The following KIRREL3 variants were observed in gnomAD, a reference collection of about 807,000 sequenced individuals.
KIRREL3 encodes the protein kin of IRRE-like protein 3.
A neutral mutation model predicts 89.7 loss-of-function variants in KIRREL3; 36 were observed. That is an observed-to-expected ratio of 0.40 (90% confidence interval 0.31 to 0.53). The LOEUF (loss-of-function observed/expected upper bound fraction) is 0.53. KIRREL3 is among the 20% of genes least tolerant of loss of function. The probability of loss-of-function intolerance (pLI) is 0.49; values close to 1 mark genes in which losing one functional copy is unlikely to be tolerated. For missense variants in KIRREL3, 864 were observed against 1,056.6 expected (o/e 0.82, Z 2.53); for synonymous variants, 445 against 441.4 (o/e 1.01, Z -0.10).
intron 10 of KIRREL3, 114 bp from the exon 11 acceptor site, chr11:126,440,663 C>T (rs1427560903): frequency 5.2e-6 from 5 of 969,690 alleles, no homozygotes; most frequent in Non-Finnish European, 8.1e-6. Context: ...AAACATTTGC[C>T]GAAGGCCTGT....
chr11:126,674,360 C>A (rs376109272), intron 1 of KIRREL3, among the ~76,000 whole-genome samples: 1 of 152,196 alleles, frequency 6.6e-6, no homozygotes, highest in Non-Finnish European at 1.5e-5. Context: ...ATGTGCCAGA[C>A]CTTGTTCTCA....
rs1950647986 is a variant in KIRREL3, at chr11:126,791,769, A to G, written c.55+208686T>C. 6.6e-6 allele frequency among the ~76,000 whole-genome samples: 1 copy of G among 152,166 alleles called. No homozygotes were observed. The highest frequency in any genetic ancestry group is 1.5e-5 in the Non-Finnish European group (1 of 68,024). The stretch of plus-strand genomic sequence containing the variant: ...CCAGACCTTGCCTTCTTTGATTTCT[A>G]GAAGACTTCCTTTGCTTGTAGACAC... On this transcript the variant is annotated intron_variant, in intron 1 of 16. Transcript: ENST00000525144. This position sits in a 1 kb window ranked among gnomAD's most constrained non-coding sequence, Gnocchi z 4.8.
chr11:126,576,001 A>G lies in KIRREL3; in HGVS notation c.56-13089T>C, dbSNP rs1223591982. 6.6e-6 allele frequency among the ~76,000 whole-genome samples: 1 copy of G among 152,202 alleles called. No homozygotes were observed. The highest frequency in any genetic ancestry group is 1.9e-4 in the East Asian group (1 of 5,198). On this transcript the variant is annotated intron_variant, in intron 1 of 16. Coordinates refer to ENST00000525144, the MANE Select transcript of KIRREL3 (RefSeq NM_032531.4). The surrounding 1 kb of genome is among the most constrained non-coding windows in gnomAD (Gnocchi z 5.4). ...TGAATTTTTGCTCCAACCCTCCCAG[A>G]CTGTGAGGTGGGAACCATCTCTATT...
At chr11:126,858,348 C>T (rs1295224887) in intron 1 of KIRREL3, among the ~76,000 whole-genome samples, 1 of 152,164 alleles carries the variant, frequency 6.6e-6, no homozygotes, top group Non-Finnish European at 1.5e-5. Context: ...CTTCTTAATA[C>T]ACTAAAGATC....
intron 1 of KIRREL3, among the ~76,000 whole-genome samples, chr11:126,794,299 A>G (rs1281213875): frequency 6.6e-6 from 1 of 152,210 alleles, no homozygotes; most frequent in Non-Finnish European, 1.5e-5. Context: ...AGCCTGGGCC[A>G]TGGTTCCCTG....
At chr11:126,800,132 C>A (rs114726496) in intron 1 of KIRREL3, among the ~76,000 whole-genome samples, 261 of 152,348 alleles carry the variant, frequency 1.7e-3, no homozygotes, top group African/African-American at 6.1e-3. Context: ...TAGGACACAT[C>A]AGTTATGACT....
At chr11:126,840,219 A>G (rs1213100603) in intron 1 of KIRREL3, among the ~76,000 whole-genome samples, 2 of 152,124 alleles carry the variant, frequency 1.3e-5, no homozygotes, top group Non-Finnish European at 2.9e-5. Context: ...GCATATTTCA[A>G]CTCTAGAACC....
At chr11:126,816,335 T>C (rs1951572308) in intron 1 of KIRREL3, among the ~76,000 whole-genome samples, 1 of 152,234 alleles carries the variant, frequency 6.6e-6, no homozygotes, top group Admixed American at 6.5e-5. Context: ...TTTTCTCCTT[T>C]AAGGGGAAGA....
intron 1 of KIRREL3, among the ~76,000 whole-genome samples, chr11:126,922,229 C>T (rs1341689000): frequency 1.3e-5 from 2 of 151,940 alleles, no homozygotes; most frequent in African/African-American, 4.8e-5. Flanking sequence ...CCCTAACCTG[C>T]TTGTCATGTA....
At chr11:126,735,428 ACCT>A in intron 1 of KIRREL3, among the ~76,000 whole-genome samples, 1 of 152,152 alleles carries the variant, frequency 6.6e-6, no homozygotes, top group Admixed American at 6.5e-5. Flanking sequence ...CCCATTTCCC[ACCT>A]CCTCCACCTA....
At chr11:126,714,753 T>A (rs539888553) in intron 1 of KIRREL3, among the ~76,000 whole-genome samples, 10 of 152,146 alleles carry the variant, frequency 6.6e-5, no homozygotes, top group Non-Finnish European at 1.0e-4. Flanking sequence ...CTCCCTCCCC[T>A]ACCAGGGTTT....
intron 1 of KIRREL3, among the ~76,000 whole-genome samples, chr11:126,887,290 T>G (rs1481639571): frequency 5.3e-5 from 8 of 152,162 alleles, no homozygotes; most frequent in African/African-American, 1.9e-4. Flanking sequence ...AGAGCAAGCA[T>G]GCATTCATCA....
chr11:126,552,772 A>C (rs369671098), intron 2 of KIRREL3, among the ~76,000 whole-genome samples: 2 of 151,868 alleles, frequency 1.3e-5, no homozygotes, highest in African/African-American at 4.8e-5. Context: ...CATGTTGGCC[A>C]GGCTGGTCTC....
In KIRREL3 at chr11:126,614,039, A is replaced by T. The variant is rs1943246959; in HGVS notation, c.56-51127T>A. On this transcript the variant is annotated intron_variant, in intron 1 of 16. Coordinates refer to ENST00000525144, the MANE Select transcript of KIRREL3 (RefSeq NM_032531.4). The surrounding 1 kb of genome is among the most constrained non-coding windows in gnomAD (Gnocchi z 4.6). Reference sequence around the variant, plus strand: ...TTTATGATGAGGTTCTTTTCTGTGTAATTCTTTTGGCTGAAAACTGAATAG... The same window carrying T: ...TTTATGATGAGGTTCTTTTCTGTGTTATTCTTTTGGCTGAAAACTGAATAG... Among the ~76,000 whole-genome samples the T allele has an allele frequency of 6.6e-6, 1 of 151,888 alleles. No homozygotes were observed. The highest frequency in any genetic ancestry group is 1.5e-5 in the Non-Finnish European group (1 of 68,006).
Position 126,570,425 on chromosome 11 carries a change from T to C in KIRREL3, c.56-7513A>G, listed in dbSNP as rs1377425030. On this transcript the variant is annotated intron_variant, in intron 1 of 16. Transcript: ENST00000525144. This position sits in a 1 kb window ranked among gnomAD's most constrained non-coding sequence, Gnocchi z 6.1. ...GTCTTAAATTACGTTTTTGAAATAA[T>C]GAGTTCTATAACATTTCATGTCAAG... is the stretch of plus-strand genomic sequence containing the variant. 6.6e-6 allele frequency among the ~76,000 whole-genome samples: 1 copy of C among 152,216 alleles called. No homozygotes were observed. Among genetic ancestry groups the C allele is most frequent in the Admixed American group, 6.5e-5 (1 of 15,284 alleles).
chr11:126,819,586 C>G (rs1309804820), intron 1 of KIRREL3, among the ~76,000 whole-genome samples: 1 of 152,232 alleles, frequency 6.6e-6, no homozygotes, highest in Non-Finnish European at 1.5e-5. Context: ...ATCTGCTTCG[C>G]AGGTACGATG....
At chr11:126,511,355 T>G (rs1377514706) in intron 4 of KIRREL3, among the ~76,000 whole-genome samples, 1 of 147,922 alleles carries the variant, frequency 6.8e-6, no homozygotes, top group African/African-American at 2.5e-5. Flanking sequence ...ATACAAAGAG[T>G]GGACCCCCCA....
intron 1 of KIRREL3, among the ~76,000 whole-genome samples, chr11:126,871,041 G>C (rs753554435): frequency 7.2e-5 from 11 of 152,294 alleles, no homozygotes; most frequent in Non-Finnish European, 1.3e-4. Context: ...CAGACATCAA[G>C]AGCATCCACG....
rs949135360 is a variant in KIRREL3 at position 126,704,378 on chromosome 11, C to G, written c.56-141466G>C. ...CAGGAGAGAGGAGGTGGGGTGGGGCCGGGAAGAAGTGAGTACTAGCAGAAC... is the reference window on the plus strand; with the variant it reads ...CAGGAGAGAGGAGGTGGGGTGGGGCGGGGAAGAAGTGAGTACTAGCAGAAC... On this transcript the variant is annotated intron_variant, in intron 1 of 16. Coordinates refer to ENST00000525144, the MANE Select transcript of KIRREL3 (RefSeq NM_032531.4). The surrounding 1 kb of genome is among the most constrained non-coding windows in gnomAD (Gnocchi z 4.2). 1.3e-5 allele frequency among the ~76,000 whole-genome samples: 2 copies of G among 152,108 alleles called. No individual in the cohort carries two copies. The highest frequency in any genetic ancestry group is 1.9e-4 in the East Asian group (1 of 5,184).
Sources: allele counts gnomAD v4.1 joint callset (sites outside exome capture counted in the v4.1 genomes callset), GRCh38; gene constraint gnomAD v4.1.1; non-coding constraint Gnocchi (gnomAD v3.1); transcripts MANE v1.5; gene names NCBI Gene and HGNC (gene_info 2026-07-23, HGNC 2026-07-21).